TNR: variants seen among roughly 807,000 people sequenced by gnomAD.
TNR encodes the protein tenascin R, also known as tenascin-R.
TNR carries 45 observed loss-of-function variants against 150.4 expected under a neutral mutation model. That is an observed-to-expected ratio of 0.30 (90% CI 0.24 to 0.38). The LOEUF is 0.38. TNR is among the 10% of genes least tolerant of loss of function. TNR has a pLI of 1.00. For missense variants in TNR, 1,544 were observed against 1,759.1 expected (o/e 0.88, Z 2.19); for synonymous variants, 687 against 678.4 (o/e 1.01, Z -0.20).
In TNR at chr1:175,497,189, G is replaced by T. The variant is rs549380556; in HGVS notation, c.-64+31080C>A. Among the ~76,000 whole-genome samples the T allele has an allele frequency of 5.3e-5, 8 of 152,208 alleles. No individual in the cohort carries two copies. The South Asian group carries it at 8.3e-4, about 16-fold the overall frequency. ...TACTTACAACCTGATTTTCCAGAAC[G>T]CATACTTTGCGGCCAGCCCTCTCTT... On this transcript the variant is annotated intron_variant, in intron 2 of 22. Transcript: ENST00000367674.
chr1:175,658,376 C>G (rs1665257387), intron 1 of TNR, among the ~76,000 whole-genome samples: 2 of 152,196 alleles, frequency 1.3e-5, no homozygotes, highest in Admixed American at 1.3e-4. Flanking sequence ...AGGTTAGGAG[C>G]TCACACTCTC....
chr1:175,694,537 A>T (rs1173822863), intron 1 of TNR, among the ~76,000 whole-genome samples: 6 of 152,234 alleles, frequency 3.9e-5, no homozygotes, highest in Admixed American at 1.3e-4. Flanking sequence ...CCCTATGCTT[A>T]AATTACTCTA....
chr1:175,567,959 T>G (rs894770393), intron 1 of TNR, among the ~76,000 whole-genome samples: 1 of 152,216 alleles, frequency 6.6e-6, no homozygotes, highest in Non-Finnish European at 1.5e-5. Context: ...TATTTCAATT[T>G]TCCTGTCATC....
At chr1:175,325,591 C>G (rs1046953953) in intron 21 of TNR, among the ~76,000 whole-genome samples, 1 of 152,142 alleles carries the variant, frequency 6.6e-6, no homozygotes, top group Non-Finnish European at 1.5e-5. Flanking sequence ...CAGCACTATT[C>G]ACAATAGCAA....
chr1:175,492,286 G>A (rs1658293591), intron 2 of TNR, among the ~76,000 whole-genome samples: 1 of 152,222 alleles, frequency 6.6e-6, no homozygotes, highest in South Asian at 2.1e-4. Flanking sequence ...CAGATTGCAT[G>A]TCTCCCTTGT....
At chr1:175,505,043 T>G (rs56360637) in intron 2 of TNR, among the ~76,000 whole-genome samples, 152,304 of 152,320 alleles carry the variant, frequency 1, 76,144 homozygotes, top group Middle Eastern at 1. Flanking sequence ...AGGACTGTGT[T>G]GGATTCCCGC....
At chr1:175,480,401 GAAAA>G (rs1657736804) in intron 2 of TNR, among the ~76,000 whole-genome samples, 3 of 121,102 alleles carry the variant, frequency 2.5e-5, no homozygotes, top group East Asian at 2.1e-4. Flanking sequence ...AAGAAAGAAA[GAAAA>G]AAGAAAGAAA....
chr1:175,477,026 G>A (rs1403075827), intron 2 of TNR, among the ~76,000 whole-genome samples: 1 of 152,130 alleles, frequency 6.6e-6, no homozygotes, highest in Non-Finnish European at 1.5e-5. Flanking sequence ...AGAACCAAAA[G>A]AATGGCTCTT....
chr1:175,565,776 T>C (rs1463638189), intron 1 of TNR, among the ~76,000 whole-genome samples: 2 of 152,180 alleles, frequency 1.3e-5, no homozygotes, highest in Admixed American at 6.5e-5. Context: ...GATCTATGTG[T>C]CCAATAATGA....
At chr1:175,698,733 G>C (rs1013222434) in intron 1 of TNR, among the ~76,000 whole-genome samples, 2 of 152,044 alleles carry the variant, frequency 1.3e-5, no homozygotes, top group African/African-American at 4.8e-5. Context: ...CCCTCAGGAG[G>C]CTGAGGCAGG....
At chr1:175,448,036 C>T (rs541385973) in intron 2 of TNR, among the ~76,000 whole-genome samples, 5 of 152,170 alleles carry the variant, frequency 3.3e-5, no homozygotes, top group East Asian at 1.9e-4. Context: ...AATAGACTTC[C>T]GGATTCACTG....
chr1:175,521,325 T>A (rs1571555800), intron 2 of TNR, among the ~76,000 whole-genome samples: 1 of 152,212 alleles, frequency 6.6e-6, no homozygotes, highest in East Asian at 1.9e-4. Context: ...CAATTGTTAG[T>A]CATACGAGAA....
chr1:175,536,320 G>T (rs925727026), intron 1 of TNR, among the ~76,000 whole-genome samples: 1 of 152,106 alleles, frequency 6.6e-6, no homozygotes, highest in Admixed American at 6.5e-5. Context: ...CATTAAAAAG[G>T]GTCAGAACCC....
chr1:175,507,699 C>T (rs539115938), intron 2 of TNR, among the ~76,000 whole-genome samples: 1 of 152,278 alleles, frequency 6.6e-6, no homozygotes, highest in Admixed American at 6.5e-5. Context: ...CTTCAAGACC[C>T]AGTTTCTTCT....
chr1:175,460,956 C>T (rs945849936), intron 2 of TNR, among the ~76,000 whole-genome samples: 2 of 152,146 alleles, frequency 1.3e-5, no homozygotes, highest in Non-Finnish European at 2.9e-5. Flanking sequence ...TGCACACATG[C>T]ACTTATGGGT....
chr1:175,630,074 G>A (rs1300516786), intron 1 of TNR, among the ~76,000 whole-genome samples: 1 of 152,196 alleles, frequency 6.6e-6, no homozygotes, highest in Non-Finnish European at 1.5e-5. Flanking sequence ...GGGGTCTGGA[G>A]ACCTGCCTGC....
At chr1:175,732,425 C>T (rs1420566930) in intron 1 of TNR, among the ~76,000 whole-genome samples, 1 of 152,200 alleles carries the variant, frequency 6.6e-6, no homozygotes, top group Non-Finnish European at 1.5e-5. Context: ...TAAGAAAACT[C>T]ACTTGCTTTG....
intron 1 of TNR, among the ~76,000 whole-genome samples, chr1:175,574,457 C>G (rs997457317): frequency 6.6e-6 from 1 of 152,166 alleles, no homozygotes; most frequent in Non-Finnish European, 1.5e-5. Context: ...TTCCTCAGGT[C>G]TTTCCCTCCA....
intron 2 of TNR, among the ~76,000 whole-genome samples, chr1:175,407,965 G>A (rs1037197349): frequency 5.9e-5 from 9 of 152,108 alleles, no homozygotes; most frequent in South Asian, 2.1e-4. Context: ...CAGGAATATC[G>A]CGATTAGAAA....
Sources: allele counts gnomAD v4.1 joint callset (sites outside exome capture counted in the v4.1 genomes callset), GRCh38; gene constraint gnomAD v4.1.1; transcripts MANE v1.5; gene names NCBI Gene and HGNC (gene_info 2026-07-23, HGNC 2026-07-21).